PBX3: variants seen among roughly 807,000 people sequenced by gnomAD.
The protein encoded by PBX3 is pre-B-cell leukemia transcription factor 3.
In PBX3, 14 loss-of-function variants were observed where a neutral mutation model predicts 48.5. The observed-to-expected ratio is 0.29, with a 90% CI of 0.19 to 0.45. The LOEUF is 0.45. Ranked by LOEUF, PBX3 falls within the 20% of genes least tolerant of loss-of-function variation. PBX3 has a pLI of 1.00. For missense variants in PBX3, 386 were observed against 546.7 expected, an observed-to-expected ratio of 0.71 and a Z score of 2.93; for synonymous variants, 210 against 200.3, an observed-to-expected ratio of 1.05 and a Z score of -0.41.
intron 2 of PBX3, among the ~76,000 whole-genome samples, chr9:125,797,673 C>T (rs1837824866): frequency 6.6e-6 from 1 of 152,074 alleles, no homozygotes; most frequent in African/African-American, 2.4e-5. Flanking sequence ...CCCATTTTCT[C>T]CCCTGTGGCA....
At chr9:125,859,246 G>A (rs1243496190) in intron 2 of PBX3, among the ~76,000 whole-genome samples, 3 of 152,096 alleles carry the variant, frequency 2.0e-5, no homozygotes, top group Non-Finnish European at 2.9e-5. Context: ...TGCTAAAGTC[G>A]GTCTTCCCTG....
At chr9:125,774,929 T>C (rs1837032449) in intron 2 of PBX3, among the ~76,000 whole-genome samples, 1 of 152,026 alleles carries the variant, frequency 6.6e-6, no homozygotes, top group Admixed American at 6.6e-5. Context: ...TGGAGTATAG[T>C]GGCGCAACCT....
At chr9:125,788,680 C>T (rs1327306985) in intron 2 of PBX3, among the ~76,000 whole-genome samples, 4 of 152,048 alleles carry the variant, frequency 2.6e-5, no homozygotes, top group African/African-American at 7.2e-5. Flanking sequence ...CAAGACCAGC[C>T]TGGGTAACAC....
At chr9:125,781,619 A>C (rs1202457692) in intron 2 of PBX3, among the ~76,000 whole-genome samples, 1 of 151,846 alleles carries the variant, frequency 6.6e-6, no homozygotes, top group Non-Finnish European at 1.5e-5. Context: ...AGGCAGAGGC[A>C]GAACCTGATC....
chr9:125,775,598 T>A (rs1360122088), intron 2 of PBX3, among the ~76,000 whole-genome samples: 2 of 152,258 alleles, frequency 1.3e-5, no homozygotes, highest in African/African-American at 2.4e-5. Context: ...ATTTCATTGA[T>A]CCATATGTCT....
At chr9:125,825,326 T>A (rs1838777186) in intron 2 of PBX3, among the ~76,000 whole-genome samples, 1 of 152,152 alleles carries the variant, frequency 6.6e-6, no homozygotes, top group African/African-American at 2.4e-5. Flanking sequence ...AAGCTTTGGC[T>A]TATGTGGGTT....
intron 2 of PBX3, among the ~76,000 whole-genome samples, chr9:125,890,783 G>A (rs537026854): frequency 3.3e-5 from 5 of 152,212 alleles, no homozygotes; most frequent in Non-Finnish European, 7.3e-5. Context: ...ATCAGAGCCA[G>A]CAGAACAACA....
At chr9:125,953,699 G>A (rs886378708) in intron 5 of PBX3, among the ~76,000 whole-genome samples, 1 of 152,164 alleles carries the variant, frequency 6.6e-6, no homozygotes, top group Non-Finnish European at 1.5e-5. Context: ...TTTGTTGTCT[G>A]TGTAGCTACA....
chr9:125,881,600 A>C lies in PBX3; in HGVS notation c.275-34086A>C, dbSNP rs1840383196. On this transcript the variant is annotated intron_variant, in intron 2 of 8. Transcript: ENST00000373489. ...TTAGTTTCCAAATTTTTATTTTTTT[A>C]CTATTTTATTATTATTATTTTTAAT... Among the ~76,000 whole-genome samples the C allele has an allele frequency of 3.3e-5, 5 of 151,862 alleles. No individual in the cohort carries two copies. The South Asian group carries it at 1.0e-3, about 31-fold the overall frequency.
At chr9:125,825,673 C>T (rs1308189253) in intron 2 of PBX3, among the ~76,000 whole-genome samples, 4 of 152,046 alleles carry the variant, frequency 2.6e-5, no homozygotes, top group East Asian at 1.9e-4. Flanking sequence ...CAGTTTTGAC[C>T]TTGCAGAGCC....
intron 5 of PBX3, among the ~76,000 whole-genome samples, chr9:125,959,538 C>G (rs1842382223): frequency 6.6e-6 from 1 of 152,210 alleles, no homozygotes; most frequent in African/African-American, 2.4e-5. Flanking sequence ...AATGGGAATT[C>G]TATTTCCAAA....
chr9:125,869,127 A>G (rs1185893230), intron 2 of PBX3, among the ~76,000 whole-genome samples: 1 of 152,228 alleles, frequency 6.6e-6, no homozygotes, highest in African/African-American at 2.4e-5. Context: ...CAAACAGGAC[A>G]CCATTAAAAG....
At chr9:125,764,127 A>G (rs1418092589) in intron 2 of PBX3, among the ~76,000 whole-genome samples, 2 of 152,238 alleles carry the variant, frequency 1.3e-5, no homozygotes, top group Non-Finnish European at 2.9e-5. Flanking sequence ...CTGCAAGGAC[A>G]GGGCGGGGAT....
chr9:125,894,630 C>T (rs1037405023), intron 2 of PBX3, among the ~76,000 whole-genome samples: 3 of 152,042 alleles, frequency 2.0e-5, no homozygotes, highest in South Asian at 2.1e-4. Context: ...ACAGCCATGG[C>T]GGACAGCTCA....
chr9:125,887,171 T>A (rs887694544), intron 2 of PBX3, among the ~76,000 whole-genome samples: 1 of 152,164 alleles, frequency 6.6e-6, no homozygotes, highest in African/African-American at 2.4e-5. Context: ...TATGAAATTG[T>A]CAACTAATTC....
intron 3 of PBX3, among the ~76,000 whole-genome samples, chr9:125,923,695 A>G (rs150493597): frequency 3.0e-4 from 45 of 151,944 alleles, no homozygotes; most frequent in African/African-American, 1.1e-3. Flanking sequence ...CCTCCTGAGT[A>G]GCTGGGACCA....
At chr9:125,854,098 C>T (rs1418633241) in intron 2 of PBX3, among the ~76,000 whole-genome samples, 1 of 151,996 alleles carries the variant, frequency 6.6e-6, no homozygotes, top group Non-Finnish European at 1.5e-5. Flanking sequence ...CCAATATAGA[C>T]CTGCTATTTT....
At chr9:125,915,604 C>G (rs1330921253) in intron 2 of PBX3, 82 bp from the exon 3 acceptor site, 2 of 1,047,938 alleles carry the variant, frequency 1.9e-6, no homozygotes, top group Non-Finnish European at 2.7e-6. Context: ...TGATCATTTT[C>G]TCGAATAAAC....
chr9:125,847,205 A>G (rs1247175630), intron 2 of PBX3, among the ~76,000 whole-genome samples: 1 of 151,924 alleles, frequency 6.6e-6, no homozygotes, highest in Non-Finnish European at 1.5e-5. Context: ...GCTTACATCT[A>G]TTAGTTTATT....
Sources: allele counts gnomAD v4.1 joint callset (sites outside exome capture counted in the v4.1 genomes callset), GRCh38; gene constraint gnomAD v4.1.1; transcripts MANE v1.5; gene names NCBI Gene and HGNC (gene_info 2026-07-23, HGNC 2026-07-21).